SVEP1: variants seen among roughly 807,000 people sequenced by gnomAD.
The protein encoded by SVEP1 is sushi, von Willebrand factor type A, EGF and pentraxin domain containing 1.
Under a neutral mutation model 367.3 loss-of-function variants are expected in SVEP1, and 164 were observed. The observed-to-expected ratio is 0.45, with a 90% confidence interval of 0.39 to 0.51. The LOEUF (loss-of-function observed/expected upper bound fraction) is 0.51, where lower values mean the gene tolerates loss of function less well. Ranked by LOEUF, SVEP1 falls within the 20% of genes least tolerant of loss-of-function variation. The pLI is 0.00. For synonymous variants in SVEP1, 1,666 were observed against 1,611.6 expected (o/e 1.03, Z -0.81); for missense variants, 4,117 against 4,425.3 (o/e 0.93, Z 1.98).
chr9:110,496,379 C>T (rs1829446961), intron 8 of SVEP1, among the ~76,000 whole-genome samples: 1 of 152,206 alleles, frequency 6.6e-6, no homozygotes, highest in African/African-American at 2.4e-5. Flanking sequence ...GTGAGAAGAG[C>T]AGACCTGCTG....
chr9:110,524,978 C>G (rs1829923294), intron 3 of SVEP1, among the ~76,000 whole-genome samples: 1 of 152,070 alleles, frequency 6.6e-6, no homozygotes, highest in African/African-American at 2.4e-5. Context: ...TCCCGAAGTG[C>G]TGGGACTTCA....
chr9:110,568,612 T>C lies in SVEP1; in HGVS notation c.531+10401A>G, dbSNP rs367606301. On this transcript the variant is annotated intron_variant, in intron 1 of 47. Coordinates refer to ENST00000374469, the MANE Select transcript of SVEP1 (RefSeq NM_153366.4). ...ATGCACAAGAAAGAAGGGAAAATGC[T>C]TGGTGAAAGTTCTACCTTGCTGAGG... is the stretch of plus-strand genomic sequence containing the variant. Among the ~76,000 whole-genome samples, 27 of 152,268 alleles carry C rather than the reference T, an allele frequency of 1.8e-4. No individual in the cohort carries two copies. In the South Asian group the frequency reaches 5.6e-3, roughly 32 times the overall value.
At chr9:110,389,224 G>GA (rs1432243197) in intron 41 of SVEP1, among the ~76,000 whole-genome samples, 1 of 145,104 alleles carries the variant, frequency 6.9e-6, no homozygotes, top group East Asian at 2.0e-4. Flanking sequence ...AATTATTTGA[G>GA]AAAACCCCCC....
intron 1 of SVEP1, among the ~76,000 whole-genome samples, chr9:110,577,559 T>G (rs1830641334): frequency 6.6e-6 from 1 of 152,116 alleles, no homozygotes; most frequent in African/African-American, 2.4e-5. Context: ...ATTCTAAAAC[T>G]ATGAACAAAT....
chr9:110,538,520 G>A (rs1005523997), intron 3 of SVEP1, among the ~76,000 whole-genome samples: 1 of 152,060 alleles, frequency 6.6e-6, no homozygotes, highest in African/African-American at 2.4e-5. Flanking sequence ...TATGTGTGCA[G>A]GGTAGGAGTG....
At chr9:110,501,363 T>G (rs1829525725) in intron 6 of SVEP1, among the ~76,000 whole-genome samples, 1 of 151,578 alleles carries the variant, frequency 6.6e-6, no homozygotes. Flanking sequence ...AATGTCATAT[T>G]TTACCACATG....
chr9:110,439,939 T>G (rs193203913), intron 27 of SVEP1, among the ~76,000 whole-genome samples: 1 of 152,202 alleles, frequency 6.6e-6, no homozygotes, highest in South Asian at 2.1e-4. Flanking sequence ...TTGTTTATAT[T>G]TTAAAGATAA....
At position 110,375,262 on chromosome 9, in the gene SVEP1, C is replaced by G. The variant is rs941313187; in HGVS notation, c.10600+106G>C. ...GAGGAATTTTTGAGAAACATCAGTA[C>G]TTTTTCATTTTGCCACCACTTCTGA... On this transcript the variant is annotated intron_variant, in intron 46 of 47. Transcript: ENST00000374469. 17 of 996,944 alleles carry G rather than the reference C, an allele frequency of 1.7e-5. No homozygotes were observed. In the African/African-American group the frequency reaches 2.7e-4, roughly 16 times the overall value. The allele number at this position is 996,944 out of a possible 1,614,324, so 61.8% of individuals were successfully genotyped here.
At chr9:110,528,021 G>T (rs1361255553) in intron 3 of SVEP1, among the ~76,000 whole-genome samples, 3 of 150,124 alleles carry the variant, frequency 2.0e-5, no homozygotes, top group Non-Finnish European at 3.0e-5. Flanking sequence ...CAAAGTTGCT[G>T]CAAAAGACAT....
At position 110,476,185 on chromosome 9, in the gene SVEP1, T is replaced by A. The variant is rs986790280; in HGVS notation, c.2599+19A>T. On this transcript the variant is annotated intron_variant, in intron 14 of 47. Coordinates refer to ENST00000374469, the MANE Select transcript of SVEP1 (RefSeq NM_153366.4). ...GCAGATTAGTCTTGCCAACTACCGATGCCACAGAATTTAATTACCAATTGC... is the reference window on the plus strand; with the variant it reads ...GCAGATTAGTCTTGCCAACTACCGAAGCCACAGAATTTAATTACCAATTGC... 2.1e-5 allele frequency: 31 copies of A among 1,507,230 alleles called. No homozygotes were observed. The highest frequency in any genetic ancestry group is 2.7e-5 in the African/African-American group (2 of 72,758). 93.4% of individuals were successfully genotyped at this position (1,507,230 alleles called of 1,614,324 possible).
chr9:110,495,999 G>T (rs188775632), intron 8 of SVEP1, among the ~76,000 whole-genome samples: 2 of 152,188 alleles, frequency 1.3e-5, no homozygotes, highest in Admixed American at 1.3e-4. Flanking sequence ...CTAGTAAAGG[G>T]CAAAGAATTC....
intron 25 of SVEP1, 84 bp downstream of exon 25, chr9:110,446,816 T>C (rs1828607796): frequency 1.6e-6 from 2 of 1,283,678 alleles, no homozygotes; most frequent in South Asian, 2.2e-5. Context: ...CTACGGACAC[T>C]GCTTGGTGCA....
intron 22 of SVEP1, 93 bp from the exon 23 acceptor site, chr9:110,451,495 G>T: frequency 1.3e-6 from 1 of 759,036 alleles, no homozygotes; most frequent in South Asian, 2.0e-5. Context: ...ATTGGAATAG[G>T]GAAATTGGAA....
At chr9:110,456,201 A>G (rs373875968) in intron 21 of SVEP1, among the ~76,000 whole-genome samples, 1 of 152,192 alleles carries the variant, frequency 6.6e-6, no homozygotes. Flanking sequence ...CCTCACTAGC[A>G]TCAGCATTAC....
chr9:110,563,916 T>C (rs1483395329), intron 1 of SVEP1, among the ~76,000 whole-genome samples: 1 of 152,148 alleles, frequency 6.6e-6, no homozygotes, highest in Non-Finnish European at 1.5e-5. Flanking sequence ...AAAAAACACC[T>C]ACTCTCTCAG....
At chr9:110,459,829 A>G (rs1029237939) in intron 18 of SVEP1, among the ~76,000 whole-genome samples, 1 of 152,078 alleles carries the variant, frequency 6.6e-6, no homozygotes, top group Non-Finnish European at 1.5e-5. Context: ...AGTTATTTTA[A>G]TTTGCATCTT....
rs140288331 is a variant in SVEP1 at position 110,541,132 on chromosome 9, G to A, written c.964+4983C>T. Reference sequence around the variant, plus strand: ...ATGGGATGGGATTTCCTCATCTTCCGAACGAATGATGAGGAAAAACCCTTA... The same window carrying A: ...ATGGGATGGGATTTCCTCATCTTCCAAACGAATGATGAGGAAAAACCCTTA... On this transcript the variant is annotated intron_variant, in intron 3 of 47. Coordinates refer to ENST00000374469, the MANE Select transcript of SVEP1 (RefSeq NM_153366.4). Among the ~76,000 whole-genome samples, 390 of 152,210 alleles carry A rather than the reference G, an allele frequency of 2.6e-3. 1 individual carries two copies. Among genetic ancestry groups the A allele is most frequent in the South Asian group, 4.6e-3 (22 of 4,822 alleles).
chr9:110,489,373 T>C (rs1012770239), intron 9 of SVEP1, among the ~76,000 whole-genome samples: 1 of 152,204 alleles, frequency 6.6e-6, no homozygotes, highest in East Asian at 1.9e-4. Flanking sequence ...CAGTTCCATA[T>C]GGCTGGGGAG....
In SVEP1 at chr9:110,411,271, C is replaced by A. The variant is rs1371466387; in HGVS notation, c.6440G>T (p.Gly2147Val). ...MSIQCIPVRC[G>V]EPPSIMNGYA... ...GCCATTCATGATGCTTGGTGGCTCT[C>A]CACACCGCACAGGGATGCACTGGAT... Residue 2147 changes from glycine to valine, a missense_variant, in exon 37 of 48, where the codon GGA (glycine) becomes GTA (valine). Around this residue, in one of 4 missense-constraint regions of SVEP1, gnomAD observed 1,765 missense variants for 1,781.1 expected, o/e 0.99. Coordinates refer to ENST00000374469, the MANE Select transcript of SVEP1 (RefSeq NM_153366.4). 6.2e-7 allele frequency: 1 copy of A among 1,614,022 alleles called. No individual in the cohort carries two copies.
Sources: allele counts gnomAD v4.1 joint callset (sites outside exome capture counted in the v4.1 genomes callset), GRCh38; gene constraint gnomAD v4.1.1; regional missense constraint gnomAD v4.1.1; transcripts MANE v1.5; gene names NCBI Gene and HGNC (gene_info 2026-07-23, HGNC 2026-07-21).